Variants in AGAP6 observed in about 807,000 individuals in gnomAD.
AGAP6 encodes ArfGAP with GTPase domain, ankyrin repeat and PH domain 6.
In AGAP6, 29 loss-of-function variants were observed where a neutral mutation model predicts 63.9. The observed-to-expected ratio is 0.45, with a 90% CI of 0.34 to 0.62. The LOEUF is 0.62. AGAP6 is among the 20% of genes least tolerant of loss of function. The pLI is 0.01. For synonymous variants in AGAP6, 199 were observed against 332.9 expected (o/e 0.60, Z 4.38); for missense variants, 493 against 884.9 (o/e 0.56, Z 5.62).
intron 4 of AGAP6, 78 bp downstream of exon 4, chr10:49,994,507 A>G (rs1176396477): frequency 7.7e-5 from 115 of 1,484,964 alleles, no homozygotes; most frequent in Non-Finnish European, 9.3e-5. Context: ...TTAAATTACA[A>G]TGTGGACCTG....
chr10:49,995,209 T>C (rs1841440107), intron 4 of AGAP6, among the ~76,000 whole-genome samples: 1 of 152,308 alleles, frequency 6.6e-6, no homozygotes, highest in Middle Eastern at 3.4e-3. Context: ...TATTCACTGC[T>C]AAGTCATATG....
intron 7 of AGAP6, among the ~76,000 whole-genome samples, chr10:50,008,387 C>T (rs1841989287): frequency 6.6e-6 from 1 of 151,354 alleles, no homozygotes; most frequent in Admixed American, 6.6e-5. Flanking sequence ...CAGGCTCTGC[C>T]TCCCAGGTCC....
At position 50,010,327 on chromosome 10, in the gene AGAP6, A is replaced by C; in HGVS notation, c.*141A>C. 1 of 1,541,072 alleles carries C rather than the reference A, an allele frequency of 6.5e-7. No homozygotes were observed. Reference sequence around the variant, plus strand: ...CTTTTCGTAAACTAAGTAAATACACAAAATGTTGATTTTTCTGACCATAAG... The same window carrying C: ...CTTTTCGTAAACTAAGTAAATACACCAAATGTTGATTTTTCTGACCATAAG... On this transcript the variant is annotated 3_prime_UTR_variant, in exon 8 of 8. Transcript: ENST00000412531.
chr10:50,004,495 G>C (rs1174178619), intron 5 of AGAP6, among the ~76,000 whole-genome samples, 190 bp from the exon 6 acceptor site: 3 of 146,394 alleles, frequency 2.0e-5, no homozygotes, highest in African/African-American at 7.6e-5. Flanking sequence ...ATATTTCCTT[G>C]CATTTTGGTT....
chr10:50,009,960 G>C lies in AGAP6; in HGVS notation c.1835G>C (p.Cys612Ser). ...ATCCTGCTGCTGGCACATGGCTCCTGTGAGGAGGTGAACGAGACCTGTGGG... is the reference window on the plus strand; with the variant it reads ...ATCCTGCTGCTGGCACATGGCTCCTCTGAGGAGGTGAACGAGACCTGTGGG... ...TAILLLAHGSCEEVNETCGEG... is the reference protein window; with the variant it reads ...TAILLLAHGSSEEVNETCGEG... Residue 612 changes from cysteine (C) to serine (S), a missense_variant, in exon 8 of 8, where the codon TGT (cysteine) becomes TCT (serine). This residue lies in a region of AGAP6 where 34 missense variants were observed against 82.7 expected (regional missense o/e 0.41). Coordinates refer to ENST00000412531, the MANE Select transcript of AGAP6 (RefSeq NM_001077665.3). 6.2e-7 allele frequency: 1 copy of C among 1,612,294 alleles called. No individual in the cohort carries two copies. Among genetic ancestry groups the C allele is most frequent in the Non-Finnish European group, 8.5e-7 (1 of 1,179,892 alleles).
At chr10:49,996,109 T>C (rs3964934) in intron 4 of AGAP6, among the ~76,000 whole-genome samples, 26 of 152,332 alleles carry the variant, frequency 1.7e-4, no homozygotes, top group South Asian at 4.1e-4. Flanking sequence ...TAGACCAGTA[T>C]GCCTGCATTG....
At chr10:49,995,807 G>C (rs529627147) in intron 4 of AGAP6, among the ~76,000 whole-genome samples, 9 of 152,352 alleles carry the variant, frequency 5.9e-5, no homozygotes, top group Non-Finnish European at 1.2e-4. Flanking sequence ...CCTCTAGGTT[G>C]AATCTAAATT....
intron 4 of AGAP6, among the ~76,000 whole-genome samples, chr10:50,001,703 G>C (rs1443491464): frequency 7.8e-6 from 1 of 128,250 alleles, no homozygotes; most frequent in African/African-American, 2.9e-5. Flanking sequence ...ACAGGTGTGA[G>C]CCACCGCGCC....
intron 2 of AGAP6, among the ~76,000 whole-genome samples, chr10:49,991,155 T>C (rs1246729924): frequency 5.9e-5 from 9 of 152,044 alleles, no homozygotes; most frequent in Non-Finnish European, 1.0e-4. Context: ...CTTAGAGATA[T>C]CACATGACTA....
chr10:50,007,263 G>T (rs1273770345), intron 6 of AGAP6, among the ~76,000 whole-genome samples: 152 of 135,444 alleles, frequency 1.1e-3, no homozygotes, highest in African/African-American at 3.8e-3. Context: ...GTGGTGGCAG[G>T]TGCCTGTAAT....
chr10:50,010,338 T>A lies in AGAP6; in HGVS notation c.*152T>A. On this transcript the variant is annotated 3_prime_UTR_variant, in exon 8 of 8. Transcript: ENST00000412531. ...CTAAGTAAATACACAAAATGTTGAT[T>A]TTTCTGACCATAAGACGTATTTTAT... The A allele has an allele frequency of 6.9e-7, 1 of 1,454,090 alleles. No individual in the cohort carries two copies. Among genetic ancestry groups the A allele is most frequent in the African/African-American group, 1.4e-5 (1 of 72,912 alleles). 90.1% of individuals were successfully genotyped at this position (1,454,090 alleles called of 1,614,324 possible). A position where few individuals can be genotyped will look rare whatever the true frequency, so the allele number is the denominator to read the frequency against.
intron 6 of AGAP6, among the ~76,000 whole-genome samples, chr10:50,005,588 G>A (rs545291207): frequency 6.6e-6 from 1 of 152,212 alleles, no homozygotes; most frequent in East Asian, 1.9e-4. Context: ...TGCAGCCTGG[G>A]TGACAGAGCA....
chr10:49,994,430 G>A lies in AGAP6; in HGVS notation c.396+1G>A. Reference sequence around the variant, plus strand: ...AAGAAGAAGCAACTGTACAAACCATGTAAGTAAACACTCAAATACTTAAGA... The same window carrying A: ...AAGAAGAAGCAACTGTACAAACCATATAAGTAAACACTCAAATACTTAAGA... On this transcript the variant is annotated splice_donor_variant, in intron 4 of 7. Transcript: ENST00000412531. LOFTEE classifies it high-confidence loss of function. 1 of 1,526,678 alleles carries A rather than the reference G, an allele frequency of 6.6e-7. No homozygotes were observed. The highest frequency in any genetic ancestry group is 8.9e-7 in the Non-Finnish European group (1 of 1,127,896). The allele number at this position is 1,526,678 out of a possible 1,614,324, so 94.6% of individuals were successfully genotyped here.
chr10:50,009,740 C>G lies in AGAP6; in HGVS notation c.1615C>G (p.Leu539Val). 6.2e-7 allele frequency: 1 copy of G among 1,614,152 alleles called. No homozygotes were observed. Among genetic ancestry groups the G allele is most frequent in the Non-Finnish European group, 8.5e-7 (1 of 1,180,012 alleles). ...RKVMSSIVND[L>V]ANSIWEGSSQ... ...GGTTATGTCATCTATTGTCAATGAC[C>G]TAGCCAACAGCATCTGGGAAGGGAG... The change falls in exon 8 of 8, where the codon CTA becomes GTA. Residue 539 changes from leucine to valine, a missense_variant. Leu to Val is a conservative substitution (Grantham distance 32, BLOSUM62 1). Around this residue, in one of 7 missense-constraint regions of AGAP6, gnomAD observed 87 missense variants for 92.9 expected, o/e 0.94. Coordinates refer to ENST00000412531, the MANE Select transcript of AGAP6 (RefSeq NM_001077665.3).
At chr10:50,005,209 A>C (rs1349732605) in intron 6 of AGAP6, among the ~76,000 whole-genome samples, 1 of 152,230 alleles carries the variant, frequency 6.6e-6, no homozygotes, top group Non-Finnish European at 1.5e-5. Context: ...CTACAACAAA[A>C]AGTTGAGTAA....
intron 6 of AGAP6, among the ~76,000 whole-genome samples, chr10:50,005,427 C>T (rs557000380): frequency 1.3e-3 from 198 of 152,194 alleles, no homozygotes; most frequent in Non-Finnish European, 1.9e-3. Flanking sequence ...CTGGCTAACA[C>T]GGCAAAACCC....
In AGAP6 at chr10:49,989,302, A is replaced by C. The variant is rs782592904; in HGVS notation, c.224-6A>C. On this transcript the variant is annotated splice_polypyrimidine_tract_variant and splice_region_variant and intron_variant, in intron 1 of 7. Coordinates refer to ENST00000412531, the MANE Select transcript of AGAP6 (RefSeq NM_001077665.3). ...TCCTTTTTCTTTTCTCCCTCTATAC[A>C]TATAGCTTTGGAGTTTAACCTTTCT... is the stretch of plus-strand genomic sequence containing the variant. 2.5e-6 allele frequency: 4 copies of C among 1,597,226 alleles called. No homozygotes were observed. The highest frequency in any genetic ancestry group is 3.3e-5 in the Admixed American group (2 of 59,976).
At chr10:49,995,465 G>T (rs1446275187) in intron 4 of AGAP6, among the ~76,000 whole-genome samples, 2 of 152,074 alleles carry the variant, frequency 1.3e-5, no homozygotes, top group Non-Finnish European at 2.9e-5. Context: ...TTTCCCCCAA[G>T]TATTGTAGCA....
In AGAP6 at chr10:50,010,317, G is replaced by A. The variant is rs1842066535; in HGVS notation, c.*131G>A. 6.4e-7 allele frequency: 1 copy of A among 1,568,776 alleles called. No homozygotes were observed. On this transcript the variant is annotated 3_prime_UTR_variant, in exon 8 of 8. Coordinates refer to ENST00000412531, the MANE Select transcript of AGAP6 (RefSeq NM_001077665.3). ...ATTTTCAGTACTTTTCGTAAACTAA[G>A]TAAATACACAAAATGTTGATTTTTC...
Sources: allele counts gnomAD v4.1 joint callset (sites outside exome capture counted in the v4.1 genomes callset), GRCh38; gene constraint gnomAD v4.1.1; regional missense constraint gnomAD v4.1.1; transcripts MANE v1.5; gene names NCBI Gene and HGNC (gene_info 2026-07-23, HGNC 2026-07-21).